The following LDLRAP1 variants were observed in gnomAD, a reference collection of about 807,000 sequenced individuals.
LDLRAP1 encodes the protein low density lipoprotein receptor adaptor protein 1.
LDLRAP1 carries 30 observed loss-of-function variants against 37.8 expected under a neutral mutation model. That is an observed-to-expected ratio of 0.79 (90% CI 0.59 to 1.08). LDLRAP1 has a LOEUF of 1.08. LDLRAP1 is among the 50% of genes least tolerant of loss of function. The probability of loss-of-function intolerance (pLI) is 0.00; values close to 1 mark genes in which losing one functional copy is unlikely to be tolerated. For missense variants in LDLRAP1, 375 were observed against 401.6 expected (o/e 0.93, Z 0.57); for synonymous variants, 156 against 169.8 (o/e 0.92, Z 0.63).
chr1:25,543,806 C>A lies in LDLRAP1; in HGVS notation c.88+20C>A. ...ACCGCAGTGAGTGTGCGCGCGTCAG[C>A]CGGGCCGGGCCGGGATCGGGCAGAG... On this transcript the variant is annotated intron_variant, in intron 1 of 8. Transcript: ENST00000374338. 1 of 1,196,556 alleles carries A rather than the reference C, an allele frequency of 8.4e-7. No homozygotes were observed. Among genetic ancestry groups the A allele is most frequent in the Non-Finnish European group, 1.0e-6 (1 of 963,460 alleles). 74.1% of individuals were successfully genotyped at this position (1,196,556 alleles called of 1,614,324 possible).
chr1:25,548,758 C>T (rs1241238143), intron 1 of LDLRAP1, among the ~76,000 whole-genome samples: 2 of 152,198 alleles, frequency 1.3e-5, no homozygotes, highest in East Asian at 1.9e-4. Flanking sequence ...ACTGCAGCCT[C>T]GACCTCCTGG....
At chr1:25,547,237 C>T (rs1022735288) in intron 1 of LDLRAP1, among the ~76,000 whole-genome samples, 10 of 152,008 alleles carry the variant, frequency 6.6e-5, no homozygotes, top group Admixed American at 6.6e-4. Context: ...AATCCCAGCA[C>T]TTTGGGAGAC....
In LDLRAP1 at chr1:25,553,946, C is replaced by T. The variant is rs142139501; in HGVS notation, c.113C>T (p.Thr38Met). The T allele has an allele frequency of 9.9e-5, 159 of 1,613,846 alleles. No individual in the cohort carries two copies. Among genetic ancestry groups the T allele is most frequent in the East Asian group, 1.3e-4 (6 of 44,884 alleles). The change falls in exon 2 of 9, where the codon ACG becomes ATG. Residue 38 changes from threonine (T) to methionine (M), a missense_variant. Coordinates refer to ENST00000374338, the MANE Select transcript of LDLRAP1 (RefSeq NM_015627.3). ...GAGCTGCCTGAGAACTGGACAGACA[C>T]GCGGGAGACGCTGCTGGAGGGGATG... ...HRKLPENWTD[T>M]RETLLEGMLF... is the part of the protein sequence containing the mutation.
chr1:25,563,881 C>A, intron 7 of LDLRAP1, 90 bp downstream of exon 7: 1 of 1,570,068 alleles, frequency 6.4e-7, no homozygotes. Flanking sequence ...CCCTGGGACC[C>A]GTGACTTGTG....
At chr1:25,575,073 C>T in the LDLRAP1 span, among the ~76,000 whole-genome samples, 6 of 152,178 alleles carry the variant, frequency 3.9e-5, no homozygotes, top group African/African-American at 9.7e-5. Flanking sequence ...CTCACCGTCC[C>T]GGTCCCCAAA....
the LDLRAP1 span, among the ~76,000 whole-genome samples, chr1:25,587,848 T>C: frequency 6.6e-6 from 1 of 152,038 alleles, no homozygotes; most frequent in Admixed American, 6.6e-5. Flanking sequence ...GGGTCAGGTG[T>C]GTGTGGGGAA....
downstream of LDLRAP1, among the ~76,000 whole-genome samples, chr1:25,570,163 G>C (rs2044584204): frequency 6.6e-6 from 1 of 152,132 alleles, no homozygotes; most frequent in Admixed American, 6.5e-5. Context: ...AATTCTCAGT[G>C]GTTCATGGAT....
the LDLRAP1 span, among the ~76,000 whole-genome samples, chr1:25,576,307 G>A: frequency 2.6e-5 from 4 of 151,872 alleles, no homozygotes; most frequent in African/African-American, 7.3e-5. Context: ...CAGGTGGATC[G>A]CTTGAGGTCG....
chr1:25,581,148 G>C, the LDLRAP1 span, among the ~76,000 whole-genome samples: 2 of 152,172 alleles, frequency 1.3e-5, no homozygotes, highest in Non-Finnish European at 2.9e-5. Context: ...AAAGCAAATG[G>C]GGTGTGAGGA....
At chr1:25,574,561 G>T in the LDLRAP1 span, among the ~76,000 whole-genome samples, 1 of 152,232 alleles carries the variant, frequency 6.6e-6, no homozygotes, top group Non-Finnish European at 1.5e-5. Flanking sequence ...CCAAATCTGT[G>T]TGTCGGGAGC....
chr1:25,543,652 T>C lies in LDLRAP1; in HGVS notation c.-47T>C. 5 of 1,184,436 alleles carry C rather than the reference T, an allele frequency of 4.2e-6. No individual in the cohort carries two copies. Among genetic ancestry groups the C allele is most frequent in the Non-Finnish European group, 5.3e-6 (5 of 951,446 alleles). 73.4% of individuals were successfully genotyped at this position (1,184,436 alleles called of 1,614,324 possible). A position where few individuals can be genotyped will look rare whatever the true frequency, so the allele number is the denominator to read the frequency against. The stretch of plus-strand genomic sequence containing the variant: ...GCAGGGCCGGGCGGAAAGTTTTTCC[T>C]GACGGAGTTTTGGCTGCGGCAGCGG... On this transcript the variant is annotated 5_prime_UTR_variant, in exon 1 of 9. Transcript: ENST00000374338.
downstream of LDLRAP1, among the ~76,000 whole-genome samples, chr1:25,571,807 C>T (rs141298166): frequency 1.3e-5 from 2 of 152,286 alleles, no homozygotes; most frequent in African/African-American, 2.4e-5. Context: ...TCAGATGGTG[C>T]GTTTGTGGCC....
At position 25,563,725 on chromosome 1, in the gene LDLRAP1, C is replaced by T. The variant is rs140901487; in HGVS notation, c.681C>T (p.Ser227=). 17 of 1,613,822 alleles carry T rather than the reference C, an allele frequency of 1.1e-5. No individual in the cohort carries two copies. In the African/African-American group the frequency reaches 1.3e-4, roughly 13 times the overall value. ...CTAAGGCCCCGCTGTCCACGGTCAGCGCCAACACCACCAACATGGACGAGG... is the reference window on the plus strand; with the variant it reads ...CTAAGGCCCCGCTGTCCACGGTCAGTGCCAACACCACCAACATGGACGAGG... ...ETAKAPLSTV[S]ANTTNMDEVP... The change falls in exon 7 of 9, where the codon AGC becomes AGT. Residue 227 remains serine, a synonymous_variant. Coordinates refer to ENST00000374338, the MANE Select transcript of LDLRAP1 (RefSeq NM_015627.3).
At chr1:25,584,570 GT>G in the LDLRAP1 span, among the ~76,000 whole-genome samples, 1 of 152,068 alleles carries the variant, frequency 6.6e-6, no homozygotes. Context: ...ATAATAACAT[GT>G]GATTTTCTTG....
chr1:25,549,521 C>T (rs1269122357), intron 1 of LDLRAP1, among the ~76,000 whole-genome samples: 1 of 152,234 alleles, frequency 6.6e-6, no homozygotes, highest in Non-Finnish European at 1.5e-5. Context: ...TAATTTAGAC[C>T]TTAGACCAGG....
At chr1:25,587,852 T>G in the LDLRAP1 span, among the ~76,000 whole-genome samples, 2 of 152,096 alleles carry the variant, frequency 1.3e-5, no homozygotes, top group Admixed American at 6.5e-5. Context: ...CAGGTGTGTG[T>G]GGGGAAAAGA....
At chr1:25,553,662 T>A in intron 1 of LDLRAP1, 2 of 472,346 alleles carry the variant, frequency 4.2e-6, no homozygotes, top group East Asian at 4.1e-5. Flanking sequence ...GACCAGCTAC[T>A]CGGGAGGCAG....
chr1:25,579,063 A>G, the LDLRAP1 span, among the ~76,000 whole-genome samples: 6 of 152,184 alleles, frequency 3.9e-5, no homozygotes, highest in African/African-American at 1.4e-4. Context: ...CCACCTCTCC[A>G]TGTGTTGTTT....
rs897764851 is a variant in LDLRAP1, at chr1:25,543,620, G to C, written c.-79G>C. On this transcript the variant is annotated 5_prime_UTR_variant, in exon 1 of 9. Transcript: ENST00000374338. The stretch of plus-strand genomic sequence containing the variant: ...CTGGGAGGGGAGGAGCGCGCAGCCC[G>C]CGCGCCGCAGGGCCGGGCGGAAAGT... The C allele has an allele frequency of 1.9e-6, 2 of 1,036,210 alleles. No homozygotes were observed. Among genetic ancestry groups the C allele is most frequent in the African/African-American group, 1.7e-5 (1 of 59,750 alleles). The allele number at this position is 1,036,210 out of a possible 1,614,324, so 64.2% of individuals were successfully genotyped here.
Sources: gnomAD v4.1 joint callset for allele counts (sites outside exome capture counted in the v4.1 genomes callset) on GRCh38, gnomAD v4.1.1 for gene constraint, MANE v1.5 for transcripts, NCBI Gene and HGNC (gene_info 2026-07-23, HGNC 2026-07-21) for gene names.